Variants in RBFOX1 observed in about 807,000 individuals in gnomAD.
RBFOX1 encodes RNA binding protein fox-1 homolog 1.
A neutral mutation model predicts 57.7 loss-of-function variants in RBFOX1; 8 were observed. That is an observed-to-expected ratio of 0.14 (90% CI 0.08 to 0.25). The LOEUF (loss-of-function observed/expected upper bound fraction) is 0.25, where lower values mean the gene tolerates loss of function less well. Among genes scored for constraint, RBFOX1 ranks in the 10% least tolerant of loss-of-function variants. RBFOX1 has a pLI of 1.00. For missense variants in RBFOX1, 611 were observed against 548.5 expected, an observed-to-expected ratio of 1.11 and a Z score of -1.14; for synonymous variants, 326 against 222.4, an observed-to-expected ratio of 1.47 and a Z score of -4.15.
intron 2 of RBFOX1, among the ~76,000 whole-genome samples, chr16:6,646,472 G>A (rs554331257): frequency 6.6e-6 from 1 of 152,212 alleles, no homozygotes; most frequent in South Asian, 2.1e-4. Flanking sequence ...TCTGTCGCTT[G>A]CGTGGGTCCT....
intron 3 of RBFOX1, among the ~76,000 whole-genome samples, chr16:6,762,433 T>C (rs982095885): frequency 2.6e-5 from 4 of 152,036 alleles, no homozygotes. Flanking sequence ...CCACCGACAA[T>C]GAAATTATGG....
intron 3 of RBFOX1, among the ~76,000 whole-genome samples, chr16:5,829,599 C>G (rs2056193295): frequency 6.6e-6 from 1 of 152,102 alleles, no homozygotes; most frequent in African/African-American, 2.4e-5. Context: ...CCATCCCCTC[C>G]TTTTCTTTCT....
At chr16:5,557,114 GC>G (rs143320788) in intron 2 of RBFOX1, among the ~76,000 whole-genome samples, 6,396 of 151,964 alleles carry the variant, frequency 0.042, 173 homozygotes, top group East Asian at 0.1. Flanking sequence ...AAAAAAATTA[GC>G]TGGGCGTGGT....
chr16:7,177,076 C>T (rs2081819165), intron 4 of RBFOX1, among the ~76,000 whole-genome samples: 1 of 152,176 alleles, frequency 6.6e-6, no homozygotes, highest in South Asian at 2.1e-4. Context: ...CATTGCCTGT[C>T]ATAAAAAGCT....
intron 1 of RBFOX1, among the ~76,000 whole-genome samples, chr16:5,257,174 A>G: frequency 7.5e-6 from 1 of 132,562 alleles, no homozygotes. Flanking sequence ...ACAAACAGAA[A>G]ACTCAAAAAA....
At chr16:7,476,675 C>G (rs1195529153) in intron 4 of RBFOX1, among the ~76,000 whole-genome samples, 3 of 152,074 alleles carry the variant, frequency 2.0e-5, no homozygotes, top group South Asian at 2.1e-4. Flanking sequence ...ATAAACTGTA[C>G]AAAATTAAAT....
chr16:5,292,645 T>A (rs1328177207), intron 1 of RBFOX1, among the ~76,000 whole-genome samples: 1 of 151,978 alleles, frequency 6.6e-6, no homozygotes, highest in Non-Finnish European at 1.5e-5. Context: ...TTTATTTATT[T>A]ATTTAATCTC....
intron 4 of RBFOX1, among the ~76,000 whole-genome samples, chr16:7,201,861 A>T (rs8055233): frequency 1.5e-4 from 23 of 152,098 alleles, no homozygotes; most frequent in African/African-American, 4.6e-4. Flanking sequence ...TGTAGACTGT[A>T]GATCAGAGGG....
At chr16:6,423,485 G>C (rs1409833223) in intron 2 of RBFOX1, among the ~76,000 whole-genome samples, 1 of 152,178 alleles carries the variant, frequency 6.6e-6, no homozygotes, top group African/African-American at 2.4e-5. Flanking sequence ...TGTAATCCCA[G>C]CTAGTTGGAA....
intron 4 of RBFOX1, among the ~76,000 whole-genome samples, chr16:5,950,742 G>T (rs547925599): frequency 6.6e-6 from 1 of 152,174 alleles, no homozygotes; most frequent in Admixed American, 6.5e-5. Flanking sequence ...TCATTTCAGG[G>T]CTGGGAGCCA....
At chr16:6,276,195 A>T (rs1405908886) in intron 1 of RBFOX1, among the ~76,000 whole-genome samples, 1 of 152,242 alleles carries the variant, frequency 6.6e-6, no homozygotes, top group Non-Finnish European at 1.5e-5. Context: ...GGAAGGGAAC[A>T]AGTGATTTTG....
chr16:7,063,205 C>G (rs545996434), intron 4 of RBFOX1, among the ~76,000 whole-genome samples: 3 of 152,082 alleles, frequency 2.0e-5, no homozygotes, highest in South Asian at 4.2e-4. Context: ...TGGGTCAGTT[C>G]TCAGTCATCA....
At chr16:6,609,331 T>C (rs1047923418) in intron 2 of RBFOX1, among the ~76,000 whole-genome samples, 10 of 152,004 alleles carry the variant, frequency 6.6e-5, no homozygotes, top group African/African-American at 2.2e-4. Flanking sequence ...GGAAAATGAT[T>C]TTCTTTTTTC....
chr16:5,837,449 G>C (rs1036656825), intron 3 of RBFOX1, among the ~76,000 whole-genome samples: 11 of 152,074 alleles, frequency 7.2e-5, no homozygotes, highest in African/African-American at 2.4e-4. Context: ...CTGAGAGATT[G>C]CATAAGCTTC....
At chr16:5,818,483 G>A (rs201204367) in intron 3 of RBFOX1, among the ~76,000 whole-genome samples, 1 of 152,182 alleles carries the variant, frequency 6.6e-6, no homozygotes, top group Non-Finnish European at 1.5e-5. Flanking sequence ...TTGAGCACCA[G>A]CCATGTGCCA....
chr16:6,073,035 G>C (rs2095855481), intron 1 of RBFOX1, among the ~76,000 whole-genome samples: 1 of 152,154 alleles, frequency 6.6e-6, no homozygotes, highest in Non-Finnish European at 1.5e-5. Context: ...TGTATTTATG[G>C]ACATATCTCA....
chr16:5,677,513 C>T (rs1023323404), intron 3 of RBFOX1, among the ~76,000 whole-genome samples: 1 of 152,178 alleles, frequency 6.6e-6, no homozygotes, highest in Non-Finnish European at 1.5e-5. Flanking sequence ...GCCTGCCTCC[C>T]TCATGTTGCT....
At chr16:6,312,422 G>A (rs1032493755) in intron 1 of RBFOX1, among the ~76,000 whole-genome samples, 3 of 152,086 alleles carry the variant, frequency 2.0e-5, no homozygotes, top group Non-Finnish European at 4.4e-5. Flanking sequence ...TGACCCCACA[G>A]TTACTGACGA....
intron 1 of RBFOX1, among the ~76,000 whole-genome samples, chr16:6,232,691 G>C (rs771575675): frequency 6.6e-6 from 1 of 152,130 alleles, no homozygotes; most frequent in Non-Finnish European, 1.5e-5. Flanking sequence ...TTTAAGGTCC[G>C]TGCTCTGCCT....
Sources: allele counts gnomAD v4.1 joint callset (sites outside exome capture counted in the v4.1 genomes callset), GRCh38; gene constraint gnomAD v4.1.1; transcripts MANE v1.5; gene names NCBI Gene and HGNC (gene_info 2026-07-23, HGNC 2026-07-21).